SHISA6: variants seen among roughly 807,000 people sequenced by gnomAD.
SHISA6 encodes shisa family member 6.
A neutral mutation model predicts 47.9 loss-of-function variants in SHISA6; 22 were observed. The observed-to-expected ratio is 0.46, with a 90% CI of 0.33 to 0.66. The LOEUF is 0.66. Ranked by LOEUF, SHISA6 falls within the 30% of genes least tolerant of loss-of-function variation. SHISA6 has a pLI of 0.02. For synonymous variants in SHISA6, 388 were observed against 337.8 expected, an observed-to-expected ratio of 1.15 and a Z score of -1.63; for missense variants, 680 against 764.6, an observed-to-expected ratio of 0.89 and a Z score of 1.30.
intron 2 of SHISA6, among the ~76,000 whole-genome samples, chr17:11,343,051 G>A (rs1911591276): frequency 6.6e-6 from 1 of 152,196 alleles, no homozygotes; most frequent in Non-Finnish European, 1.5e-5. Context: ...GGTGGCTTGT[G>A]AAAGAGCCTG....
chr17:11,355,449 C>T (rs1211484644), intron 2 of SHISA6, among the ~76,000 whole-genome samples: 1 of 152,038 alleles, frequency 6.6e-6, no homozygotes, highest in Non-Finnish European at 1.5e-5. Context: ...TTACTTGGTT[C>T]AAGAGATTAT....
intron 2 of SHISA6, among the ~76,000 whole-genome samples, chr17:11,292,827 T>TTC (rs1477248610): frequency 3.0e-4 from 45 of 150,494 alleles, no homozygotes; most frequent in Admixed American, 1.8e-3. Context: ...CAGATTGATT[T>TTC]TTTTTTTTTT....
chr17:11,523,882 T>C (rs1361040441), intron 3 of SHISA6, among the ~76,000 whole-genome samples: 1 of 152,034 alleles, frequency 6.6e-6, no homozygotes, highest in Non-Finnish European at 1.5e-5. Flanking sequence ...GGCGCGTGCC[T>C]GTAATCCCAG....
rs778498061 is a variant in SHISA6 at position 11,561,486 on chromosome 17, T to A, written c.*3182T>A. ...GTGTCAAAAAGGCTTTGCCAAGAATTACTTCACCTCCTAACCAGGCTTCTG... is the reference window on the plus strand; with the variant it reads ...GTGTCAAAAAGGCTTTGCCAAGAATAACTTCACCTCCTAACCAGGCTTCTG... On this transcript the variant is annotated 3_prime_UTR_variant, in exon 6 of 6. Coordinates refer to ENST00000441885, the MANE Select transcript of SHISA6 (RefSeq NM_207386.4). 1 of 152,458 alleles carries A rather than the reference T, an allele frequency of 6.6e-6. No individual in the cohort carries two copies. The highest frequency in any genetic ancestry group is 2.4e-5 in the African/African-American group (1 of 41,444). The allele number at this position is 152,458 out of a possible 1,614,324, so 9.4% of individuals were successfully genotyped here.
intron 3 of SHISA6, among the ~76,000 whole-genome samples, chr17:11,489,896 C>G (rs534968531): frequency 6.6e-6 from 1 of 152,248 alleles, no homozygotes; most frequent in East Asian, 1.9e-4. Flanking sequence ...ACACACACAG[C>G]AAAGAATTAT....
intron 3 of SHISA6, among the ~76,000 whole-genome samples, chr17:11,531,629 C>A (rs920348202): frequency 3.3e-5 from 5 of 152,234 alleles, no homozygotes; most frequent in Middle Eastern, 3.4e-3. Context: ...TTAAATACAG[C>A]AATATATGTA....
At chr17:11,457,695 C>T (rs1915577857) in intron 3 of SHISA6, among the ~76,000 whole-genome samples, 1 of 149,354 alleles carries the variant, frequency 6.7e-6, no homozygotes, top group Non-Finnish European at 1.5e-5. Context: ...AAGCCGAGAC[C>T]ACGCCATTGC....
chr17:11,440,820 G>A (rs1461726874), intron 3 of SHISA6, among the ~76,000 whole-genome samples: 1 of 151,874 alleles, frequency 6.6e-6, no homozygotes, highest in South Asian at 2.1e-4. Context: ...AGGAGATGTG[G>A]GTATGGCCCC....
chr17:11,423,324 T>TAG (rs1567602047), intron 3 of SHISA6, among the ~76,000 whole-genome samples: 60 of 68,970 alleles, frequency 8.7e-4, no homozygotes, highest in East Asian at 2.9e-3. Flanking sequence ...CTGTAACATA[T>TAG]ATATAGATAG....
At chr17:11,252,600 G>A (rs1243502731) in intron 1 of SHISA6, among the ~76,000 whole-genome samples, 5 of 152,180 alleles carry the variant, frequency 3.3e-5, no homozygotes, top group African/African-American at 1.2e-4. Context: ...CTAGGAGTCA[G>A]GCAGGTTGGT....
chr17:11,402,017 A>G (rs1913791089), intron 3 of SHISA6, among the ~76,000 whole-genome samples: 1 of 152,212 alleles, frequency 6.6e-6, no homozygotes, highest in African/African-American at 2.4e-5. Flanking sequence ...GGCACGCAGC[A>G]GGCACTGGTC....
intron 3 of SHISA6, among the ~76,000 whole-genome samples, chr17:11,426,676 C>A (rs1914619564): frequency 6.6e-6 from 1 of 152,162 alleles, no homozygotes; most frequent in African/African-American, 2.4e-5. Flanking sequence ...TCTAGATAAA[C>A]ATCTTAATAA....
chr17:11,446,990 C>G (rs777106144), intron 3 of SHISA6, among the ~76,000 whole-genome samples: 1 of 152,208 alleles, frequency 6.6e-6, no homozygotes, highest in Admixed American at 6.5e-5. Context: ...TAAGAACCTT[C>G]TCTCTGTGGT....
chr17:11,466,879 T>C (rs1597532433), intron 3 of SHISA6, among the ~76,000 whole-genome samples: 1 of 152,176 alleles, frequency 6.6e-6, no homozygotes, highest in East Asian at 1.9e-4. Context: ...TTCGGCCTGC[T>C]TAGGACACTT....
At chr17:11,351,020 T>G (rs145337233) in intron 2 of SHISA6, among the ~76,000 whole-genome samples, 17 of 152,178 alleles carry the variant, frequency 1.1e-4, no homozygotes, top group African/African-American at 4.1e-4. Context: ...AAACCATCAT[T>G]CTCAGCAAGC....
At chr17:11,381,448 T>G (rs540070553) in intron 3 of SHISA6, among the ~76,000 whole-genome samples, 1 of 152,252 alleles carries the variant, frequency 6.6e-6, no homozygotes, top group East Asian at 1.9e-4. Flanking sequence ...TGACAATAAG[T>G]GCAAGGAGAA....
intron 3 of SHISA6, among the ~76,000 whole-genome samples, chr17:11,411,427 C>T (rs1165834750): frequency 2.0e-5 from 3 of 151,950 alleles, no homozygotes; most frequent in Non-Finnish European, 4.4e-5. Context: ...GATGGAGTCT[C>T]ACTCTGTAGC....
Position 11,533,403 on chromosome 17 carries a change from C to T in SHISA6, c.896-18493C>T, listed in dbSNP as rs74989233. On this transcript the variant is annotated intron_variant, in intron 3 of 5. Coordinates refer to ENST00000441885, the MANE Select transcript of SHISA6 (RefSeq NM_207386.4). ...GTGCCATAATCTAACCTCATTCTAC[C>T]GTCTCTCATCTGCACTCCTACCAAC... Among the ~76,000 whole-genome samples, 11 of 152,022 alleles carry T rather than the reference C, an allele frequency of 7.2e-5. No individual in the cohort carries two copies. In the South Asian group the frequency reaches 8.3e-4, roughly 12 times the overall value.
chr17:11,480,162 C>T (rs1916174426), intron 3 of SHISA6, among the ~76,000 whole-genome samples: 1 of 152,110 alleles, frequency 6.6e-6, no homozygotes, highest in South Asian at 2.1e-4. Flanking sequence ...TGATTCTTAC[C>T]TTTGTTCCTC....
Sources: gnomAD v4.1 joint callset for allele counts (sites outside exome capture counted in the v4.1 genomes callset) on GRCh38, gnomAD v4.1.1 for gene constraint, MANE v1.5 for transcripts, NCBI Gene and HGNC (gene_info 2026-07-23, HGNC 2026-07-21) for gene names.